ENTREP2: variants seen among roughly 807,000 people sequenced by gnomAD.
ENTREP2 encodes protein ENTREP2.
At chr15:29,151,900 T>C in the ENTREP2 span, 22 of 1,319,904 alleles carry the variant, frequency 1.7e-5, no homozygotes, top group Non-Finnish European at 2.3e-5. Context: ...GCAGAATCCT[T>C]AGCCCTCCTG....
chr15:29,201,203 T>C, the ENTREP2 span, among the ~76,000 whole-genome samples: 1 of 152,244 alleles, frequency 6.6e-6, no homozygotes, highest in Non-Finnish European at 1.5e-5. Flanking sequence ...ACATAGATAC[T>C]CATGTCATCC....
At chr15:29,246,950 A>G in the ENTREP2 span, among the ~76,000 whole-genome samples, 1 of 148,412 alleles carries the variant, frequency 6.7e-6, no homozygotes, top group East Asian at 2.0e-4. Context: ...AAACAAAAAT[A>G]TGTGCAGATG....
the ENTREP2 span, among the ~76,000 whole-genome samples, chr15:29,233,059 T>C: frequency 2.0e-5 from 3 of 152,354 alleles, no homozygotes; most frequent in East Asian, 5.8e-4. Context: ...CTGTGCTGTA[T>C]TTGATCTGCT....
the ENTREP2 span, among the ~76,000 whole-genome samples, chr15:29,264,035 G>A: frequency 6.6e-6 from 1 of 151,872 alleles, no homozygotes; most frequent in African/African-American, 2.4e-5. Flanking sequence ...GGTGCCTGTA[G>A]TCCCAGCTAC....
At chr15:29,392,315 AG>A in the ENTREP2 span, among the ~76,000 whole-genome samples, 78 of 152,084 alleles carry the variant, frequency 5.1e-4, no homozygotes, top group Non-Finnish European at 9.9e-4. Flanking sequence ...AGGGATCCAC[AG>A]GCTTCACTAG....
At chr15:29,288,269 G>A in the ENTREP2 span, among the ~76,000 whole-genome samples, 2 of 152,180 alleles carry the variant, frequency 1.3e-5, no homozygotes, top group Non-Finnish European at 2.9e-5. Flanking sequence ...TTGTATACGT[G>A]CGTGTGTGCA....
the ENTREP2 span, chr15:29,234,634 C>T: frequency 6.4e-7 from 1 of 1,561,084 alleles, no homozygotes. Flanking sequence ...GTGTATCAAA[C>T]CACCTACCAG....
the ENTREP2 span, among the ~76,000 whole-genome samples, chr15:29,478,571 C>T: frequency 2.6e-5 from 4 of 151,856 alleles, no homozygotes; most frequent in African/African-American, 4.8e-5. Context: ...TGGCTTGATG[C>T]CGTCTTTGTC....
At chr15:29,230,879 G>T in the ENTREP2 span, among the ~76,000 whole-genome samples, 1 of 152,126 alleles carries the variant, frequency 6.6e-6, no homozygotes, top group African/African-American at 2.4e-5. Flanking sequence ...CAATTAAAAA[G>T]TTTTAGGCAG....
the ENTREP2 span, among the ~76,000 whole-genome samples, chr15:29,633,244 C>A: frequency 6.6e-6 from 1 of 152,142 alleles, no homozygotes; most frequent in Non-Finnish European, 1.5e-5. Context: ...TCAGGTCCCA[C>A]TGAATTGCCC....
the ENTREP2 span, among the ~76,000 whole-genome samples, chr15:29,670,077 T>G: frequency 6.6e-6 from 1 of 152,214 alleles, no homozygotes; most frequent in African/African-American, 2.4e-5. Context: ...CATCTTGTAT[T>G]TATGATAAAC....
At chr15:29,248,782 T>A in the ENTREP2 span, among the ~76,000 whole-genome samples, 2 of 151,812 alleles carry the variant, frequency 1.3e-5, no homozygotes, top group Non-Finnish European at 2.9e-5. Flanking sequence ...AAGAGCATTA[T>A]CATATATTGG....
chr15:29,165,409 TA>T, the ENTREP2 span, among the ~76,000 whole-genome samples: 31 of 152,084 alleles, frequency 2.0e-4, no homozygotes, highest in Non-Finnish European at 3.1e-4. Context: ...TTTGAAAAGG[TA>T]AGTAAAACTG....
At chr15:29,556,947 C>T in the ENTREP2 span, among the ~76,000 whole-genome samples, 25 of 152,280 alleles carry the variant, frequency 1.6e-4, no homozygotes, top group Admixed American at 4.6e-4. Flanking sequence ...GTGGATATTC[C>T]GCCCTGAAAC....
chr15:29,513,878 C>T, the ENTREP2 span, among the ~76,000 whole-genome samples: 5 of 152,300 alleles, frequency 3.3e-5, no homozygotes, highest in Admixed American at 2.0e-4. Flanking sequence ...CTCATCAATA[C>T]CTGGCGCTGT....
At chr15:29,233,724 A>C in the ENTREP2 span, 1 of 1,366,228 alleles carries the variant, frequency 7.3e-7, no homozygotes, top group Non-Finnish European at 1.0e-6. Context: ...AGTTACATGG[A>C]TCTGAGCTGT....
the ENTREP2 span, among the ~76,000 whole-genome samples, chr15:29,254,169 A>AT: frequency 6.8e-6 from 1 of 146,348 alleles, no homozygotes; most frequent in African/African-American, 2.5e-5. Context: ...AGCAAAAAAA[A>AT]AAAAAAAAAA....
At chr15:29,600,171 G>C in the ENTREP2 span, among the ~76,000 whole-genome samples, 1 of 152,102 alleles carries the variant, frequency 6.6e-6, no homozygotes, top group African/African-American at 2.4e-5. Flanking sequence ...TTTGTAATCT[G>C]AGCATGCATG....
the ENTREP2 span, among the ~76,000 whole-genome samples, chr15:29,139,795 C>G: frequency 6.6e-6 from 1 of 152,194 alleles, no homozygotes; most frequent in Non-Finnish European, 1.5e-5. Context: ...GCCTCCCCAG[C>G]GAGAATCCTG....
Sources: gnomAD v4.1 joint callset for allele counts (sites outside exome capture counted in the v4.1 genomes callset) on GRCh38, gnomAD v4.1.1 for gene constraint, MANE v1.5 for transcripts, NCBI Gene and HGNC (gene_info 2026-07-23, HGNC 2026-07-21) for gene names.